RAB35: variants seen among roughly 807,000 people sequenced by gnomAD.
RAB35 encodes the protein ras-related protein Rab-35.
RAB35 carries 4 observed loss-of-function variants against 28.9 expected under a neutral mutation model. The ratio of observed to expected loss-of-function variants is 0.14; its 90% CI spans 0.07 to 0.32. The LOEUF is 0.32. Ranked by LOEUF, RAB35 falls within the 10% of genes least tolerant of loss-of-function variation. The pLI is 1.00. For missense variants in RAB35, 128 were observed against 274.0 expected (o/e 0.47, Z 3.76); for synonymous variants, 99 against 105.1 (o/e 0.94, Z 0.35).
intron 2 of RAB35, among the ~76,000 whole-genome samples, chr12:120,105,120 A>T (rs775190726): frequency 6.6e-6 from 1 of 152,110 alleles, no homozygotes; most frequent in African/African-American, 2.4e-5. Flanking sequence ...TCAAATTCCA[A>T]GGTGGGGTGG....
At position 120,114,685 on chromosome 12, in the gene RAB35, G is replaced by A. The variant is rs559370515; in HGVS notation, c.52+1914C>T. Among the ~76,000 whole-genome samples, 4 of 152,214 alleles carry A rather than the reference G, an allele frequency of 2.6e-5. No individual in the cohort carries two copies. In the South Asian group the frequency reaches 6.2e-4, roughly 24 times the overall value. On this transcript the variant is annotated intron_variant, in intron 1 of 5. Coordinates refer to ENST00000229340, the MANE Select transcript of RAB35 (RefSeq NM_006861.7). The stretch of plus-strand genomic sequence containing the variant: ...CTAGGAGCTAGACCACATAAATCTC[G>A]ACCCAATGAGTCTTCTCCCACACCT...
At chr12:120,099,371 C>A in intron 3 of RAB35, 1 of 626,336 alleles carries the variant, frequency 1.6e-6, no homozygotes, top group Non-Finnish European at 2.7e-6. Context: ...CCCGGGGCAC[C>A]AACAGGGCGG....
chr12:120,108,482 G>C lies in RAB35; in HGVS notation c.53-15C>G, dbSNP rs1875980423. On this transcript the variant is annotated splice_polypyrimidine_tract_variant and intron_variant, in intron 1 of 5. Coordinates refer to ENST00000229340, the MANE Select transcript of RAB35 (RefSeq NM_006861.7). ...CTTGCCCACACCTGCAAGAGAGAAA[G>C]CACTGCGATGAGGGGGGCAGGTGGG... 1 of 1,613,084 alleles carries C rather than the reference G, an allele frequency of 6.2e-7. No individual in the cohort carries two copies. Among genetic ancestry groups the C allele is most frequent in the Non-Finnish European group, 8.5e-7 (1 of 1,179,240 alleles).
At position 120,096,240 on chromosome 12, in the gene RAB35, A is replaced by C. The variant is rs1243059604; in HGVS notation, c.*1005T>G. On this transcript the variant is annotated 3_prime_UTR_variant, in exon 6 of 6. Coordinates refer to ENST00000229340, the MANE Select transcript of RAB35 (RefSeq NM_006861.7). ...GGGAGGCCCCTTCTCCGCTCCCACC[A>C]AGAAAGCCCAAGAGTCCAGCCCCAC... 2 of 422,820 alleles carry C rather than the reference A, an allele frequency of 4.7e-6. No individual in the cohort carries two copies. Among genetic ancestry groups the C allele is most frequent in the Non-Finnish European group, 8.2e-6 (2 of 243,234 alleles). The allele number at this position is 422,820 out of a possible 1,614,324, so 26.2% of individuals were successfully genotyped here.
chr12:120,103,959 C>G lies in RAB35; in HGVS notation c.104-10G>C. The G allele has an allele frequency of 6.2e-7, 1 of 1,613,740 alleles. No individual in the cohort carries two copies. The highest frequency in any genetic ancestry group is 8.5e-7 in the Non-Finnish European group (1 of 1,179,818). ...GTGGTGATGTAGCTGCCTGCACACA[C>G]AGGGCAGTTAACGAGGCCCAGCGCG... On this transcript the variant is annotated splice_polypyrimidine_tract_variant and intron_variant, in intron 2 of 5. Coordinates refer to ENST00000229340, the MANE Select transcript of RAB35 (RefSeq NM_006861.7). This position sits in a 1 kb window ranked among gnomAD's most constrained non-coding sequence, Gnocchi z 6.1.
chr12:120,103,557 C>T lies in RAB35; in HGVS notation c.227+269G>A, dbSNP rs1306402150. Among the ~76,000 whole-genome samples the T allele has an allele frequency of 1.3e-5, 2 of 152,198 alleles. No individual in the cohort carries two copies. The highest frequency in any genetic ancestry group is 3.8e-4 in the East Asian group (2 of 5,198). On this transcript the variant is annotated intron_variant, in intron 3 of 5. Transcript: ENST00000229340. This position sits in a 1 kb window ranked among gnomAD's most constrained non-coding sequence, Gnocchi z 6.1. ...GTGACGGCACAGTGGGCCGGAGGGT[C>T]GGCTGACTCTCCAAGGAGATAGAAC...
In RAB35 at chr12:120,103,016, T is replaced by C. The variant is rs1875720722; in HGVS notation, c.227+810A>G. Among the ~76,000 whole-genome samples the C allele has an allele frequency of 6.6e-6, 1 of 152,172 alleles. No homozygotes were observed. Among genetic ancestry groups the C allele is most frequent in the African/African-American group, 2.4e-5 (1 of 41,452 alleles). On this transcript the variant is annotated intron_variant, in intron 3 of 5. Transcript: ENST00000229340. This position sits in a 1 kb window ranked among gnomAD's most constrained non-coding sequence, Gnocchi z 6.1. ...CAGACACCACACCCCGGCACGCACGTTGACGCCTGCAGCAGAGCACCTGGC... is the reference window on the plus strand; with the variant it reads ...CAGACACCACACCCCGGCACGCACGCTGACGCCTGCAGCAGAGCACCTGGC...
chr12:120,115,870 C>T (rs1876309296), intron 1 of RAB35, among the ~76,000 whole-genome samples: 1 of 152,200 alleles, frequency 6.6e-6, no homozygotes, highest in African/African-American at 2.4e-5. Flanking sequence ...AGCAACACTG[C>T]AGAATCTCAC....
chr12:120,105,065 C>T (rs1211558354), intron 2 of RAB35, among the ~76,000 whole-genome samples: 1 of 152,036 alleles, frequency 6.6e-6, no homozygotes, highest in Admixed American at 6.5e-5. Flanking sequence ...GGAGACACCA[C>T]ACACACACAC....
intron 1 of RAB35, among the ~76,000 whole-genome samples, chr12:120,113,191 CT>C (rs545607204): frequency 0.15 from 19,901 of 131,976 alleles, 1,800 homozygotes; most frequent in East Asian, 0.45. Context: ...TGTGCCCGGC[CT>C]TTTTTTTTTT....
rs1437433670 is a variant in RAB35 at position 120,096,698 on chromosome 12, C to T, written c.*547G>A. The T allele has an allele frequency of 7.8e-7, 1 of 1,289,758 alleles. No individual in the cohort carries two copies. The highest frequency in any genetic ancestry group is 1.0e-6 in the Non-Finnish European group (1 of 988,902). 79.9% of individuals were successfully genotyped at this position (1,289,758 alleles called of 1,614,324 possible). A position where few individuals can be genotyped will look rare whatever the true frequency, so the allele number is the denominator to read the frequency against. On this transcript the variant is annotated 3_prime_UTR_variant, in exon 6 of 6. Transcript: ENST00000229340. Reference sequence around the variant, plus strand: ...GGAGGGAAGGGAGCTGGCACAGGCCCCGGAGAAGGGGCAAGACCCTGTGCA... The same window carrying T: ...GGAGGGAAGGGAGCTGGCACAGGCCTCGGAGAAGGGGCAAGACCCTGTGCA...
intron 5 of RAB35, among the ~76,000 whole-genome samples, chr12:120,097,645 G>C (rs1486134998): frequency 6.6e-6 from 1 of 152,200 alleles, no homozygotes; most frequent in Non-Finnish European, 1.5e-5. Context: ...TACTTGAGAA[G>C]CTAAGGTGGG....
At chr12:120,110,815 G>A (rs1212620402) in intron 1 of RAB35, among the ~76,000 whole-genome samples, 1 of 152,208 alleles carries the variant, frequency 6.6e-6, no homozygotes, top group African/African-American at 2.4e-5. Context: ...TCCTGGGCAG[G>A]CAGACGCTGC....
chr12:120,115,053 G>C (rs1244009555), intron 1 of RAB35, among the ~76,000 whole-genome samples: 1 of 152,102 alleles, frequency 6.6e-6, no homozygotes, highest in African/African-American at 2.4e-5. Context: ...GAGCTTGCCT[G>C]GTTTCCCTTC....
intron 1 of RAB35, among the ~76,000 whole-genome samples, chr12:120,112,094 A>G (rs951800488): frequency 6.6e-6 from 1 of 151,596 alleles, no homozygotes; most frequent in Non-Finnish European, 1.5e-5. Context: ...CTCTTGCCTC[A>G]GCCTCCGGAG....
At chr12:120,113,489 A>T (rs891576322) in intron 1 of RAB35, among the ~76,000 whole-genome samples, 15 of 152,288 alleles carry the variant, frequency 9.8e-5, no homozygotes, top group African/African-American at 3.6e-4. Context: ...GTTACAAATC[A>T]AAGCCAGTGT....
Position 120,096,773 on chromosome 12 carries a change from C to G in RAB35, c.*472G>C. ...TCGGAGAGAATGAGCAACGCGGAGCCCACTCCACTGGCACGGGCTGGCCGC... is the reference window on the plus strand; with the variant it reads ...TCGGAGAGAATGAGCAACGCGGAGCGCACTCCACTGGCACGGGCTGGCCGC... On this transcript the variant is annotated 3_prime_UTR_variant, in exon 6 of 6. Transcript: ENST00000229340. The G allele has an allele frequency of 1.5e-6, 2 of 1,290,496 alleles. No homozygotes were observed. Among genetic ancestry groups the G allele is most frequent in the Non-Finnish European group, 2.0e-6 (2 of 989,318 alleles). The allele number at this position is 1,290,496 out of a possible 1,614,324, so 79.9% of individuals were successfully genotyped here. A position where few individuals can be genotyped will look rare whatever the true frequency, so the allele number is the denominator to read the frequency against.
At chr12:120,108,019 A>G (rs1363618243) in intron 2 of RAB35, among the ~76,000 whole-genome samples, 1 of 152,210 alleles carries the variant, frequency 6.6e-6, no homozygotes, top group Non-Finnish European at 1.5e-5. Context: ...CACCGCACTC[A>G]GATGAACCAC....
At chr12:120,108,657 T>C (rs190427511) in intron 1 of RAB35, 190 bp from the exon 2 acceptor site, 20 of 697,520 alleles carry the variant, frequency 2.9e-5, no homozygotes, top group Non-Finnish European at 4.8e-5. Context: ...ACTCGATCCC[T>C]GACCTTTTCC....
Sources: gnomAD v4.1 joint callset for allele counts (sites outside exome capture counted in the v4.1 genomes callset) on GRCh38, gnomAD v4.1.1 for gene constraint, Gnocchi (gnomAD v3.1) non-coding constraint, MANE v1.5 for transcripts, NCBI Gene and HGNC (gene_info 2026-07-23, HGNC 2026-07-21) for gene names.